ARMH4: variants seen among roughly 807,000 people sequenced by gnomAD.
ARMH4 encodes armadillo like helical domain containing 4.
In ARMH4, 49 loss-of-function variants were observed where a neutral mutation model predicts 61.9. That is an observed-to-expected ratio of 0.79 (90% CI 0.63 to 1.00). The LOEUF (loss-of-function observed/expected upper bound fraction) is 1.00, where lower values mean the gene tolerates loss of function less well. Ranked by LOEUF, ARMH4 falls within the 50% of genes least tolerant of loss-of-function variation. The pLI, the probability that ARMH4 is intolerant of heterozygous loss-of-function variation, is 0.00. For synonymous variants in ARMH4, 368 were observed against 341.5 expected (o/e 1.08, Z -0.85); for missense variants, 934 against 930.0 (o/e 1.00, Z -0.06).
chr14:58,121,094 T>C (rs1444477569), intron 4 of ARMH4, among the ~76,000 whole-genome samples: 2 of 152,186 alleles, frequency 1.3e-5, no homozygotes, highest in Non-Finnish European at 1.5e-5. Flanking sequence ...CACTTATATG[T>C]TGCATTTCTG....
intron 6 of ARMH4, among the ~76,000 whole-genome samples, chr14:58,008,649 A>G (rs1297705254): frequency 4.6e-5 from 7 of 152,232 alleles, no homozygotes; most frequent in African/African-American, 1.7e-4. Context: ...CTCAAACTCC[A>G]GCATGGATCA....
intron 5 of ARMH4, among the ~76,000 whole-genome samples, chr14:58,054,882 A>AT (rs774686375): frequency 0.058 from 8,302 of 143,924 alleles, 238 homozygotes; most frequent in African/African-American, 0.077. Context: ...AAAAAAAAAA[A>AT]AAATAATAAT....
intron 5 of ARMH4, among the ~76,000 whole-genome samples, chr14:58,078,083 C>T (rs752493228): frequency 2.6e-4 from 39 of 152,118 alleles, no homozygotes; most frequent in Non-Finnish European, 4.4e-4. Flanking sequence ...ACAGACATTA[C>T]CTCTCATGTT....
At chr14:58,008,905 TG>T (rs1265245823) in intron 6 of ARMH4, among the ~76,000 whole-genome samples, 2 of 152,236 alleles carry the variant, frequency 1.3e-5, no homozygotes, top group Non-Finnish European at 2.9e-5. Flanking sequence ...ACAACAGGTC[TG>T]GTCTTTATTA....
At chr14:58,010,816 A>C (rs8016701) in intron 6 of ARMH4, among the ~76,000 whole-genome samples, 95,965 of 151,192 alleles carry the variant, frequency 0.63, 30,601 homozygotes, top group East Asian at 0.67. Flanking sequence ...TGTTTACATG[A>C]CAAAATTTAT....
intron 1 of ARMH4, among the ~76,000 whole-genome samples, chr14:58,141,011 A>G (rs946251012): frequency 6.6e-6 from 1 of 152,140 alleles, no homozygotes; most frequent in African/African-American, 2.4e-5. Flanking sequence ...CCCAGACACC[A>G]AATCTACTGT....
chr14:58,126,648 A>T (rs967782172), intron 4 of ARMH4, among the ~76,000 whole-genome samples: 1 of 152,214 alleles, frequency 6.6e-6, no homozygotes, highest in East Asian at 1.9e-4. Flanking sequence ...TCAAAAACGC[A>T]ATCATTTAAA....
intron 5 of ARMH4, among the ~76,000 whole-genome samples, chr14:58,030,456 A>G (rs1181626342): frequency 2.0e-5 from 3 of 152,232 alleles, no homozygotes; most frequent in Non-Finnish European, 1.5e-5. Context: ...CAATTTTTTT[A>G]TCGTGGTAAT....
At chr14:58,073,842 A>G (rs2141231767) in intron 5 of ARMH4, among the ~76,000 whole-genome samples, 1 of 152,316 alleles carries the variant, frequency 6.6e-6, no homozygotes, top group Middle Eastern at 3.4e-3. Context: ...CAGTGTCCTC[A>G]ACAGTAAATG....
chr14:58,079,059 C>G (rs1267250041), intron 5 of ARMH4, among the ~76,000 whole-genome samples: 1 of 152,294 alleles, frequency 6.6e-6, no homozygotes, highest in East Asian at 1.9e-4. Context: ...TGAGACCATG[C>G]AATTTGGAAA....
At chr14:58,134,632 G>A (rs117540099) in intron 2 of ARMH4, among the ~76,000 whole-genome samples, 3,205 of 152,134 alleles carry the variant, frequency 0.021, 58 homozygotes, top group Middle Eastern at 0.048. Flanking sequence ...TAACATTCTA[G>A]GGATAGCTTT....
At chr14:58,043,325 A>T (rs931370337) in intron 5 of ARMH4, among the ~76,000 whole-genome samples, 1 of 152,090 alleles carries the variant, frequency 6.6e-6, no homozygotes, top group African/African-American at 2.4e-5. Flanking sequence ...AATGTAATCC[A>T]GCATATAAAC....
At chr14:58,113,465 C>T (rs1428753273) in intron 4 of ARMH4, among the ~76,000 whole-genome samples, 1 of 152,120 alleles carries the variant, frequency 6.6e-6, no homozygotes, top group Non-Finnish European at 1.5e-5. Context: ...CTTGTGTTTG[C>T]ATTTTTGATG....
At chr14:58,097,635 T>C (rs1812415027) in intron 4 of ARMH4, among the ~76,000 whole-genome samples, 2 of 152,300 alleles carry the variant, frequency 1.3e-5, no homozygotes, top group African/African-American at 4.8e-5. Flanking sequence ...AAAATTACCA[T>C]TATCTTCATT....
chr14:58,111,043 C>T (rs1312188074), intron 4 of ARMH4, among the ~76,000 whole-genome samples: 1 of 152,172 alleles, frequency 6.6e-6, no homozygotes, highest in Non-Finnish European at 1.5e-5. Flanking sequence ...CGTGAGCCAC[C>T]ACGCCCAGCC....
chr14:58,120,445 G>C (rs1302937697), intron 4 of ARMH4, among the ~76,000 whole-genome samples: 4 of 152,078 alleles, frequency 2.6e-5, no homozygotes, highest in Admixed American at 1.3e-4. Flanking sequence ...GACTCTTAGA[G>C]TCCTTTTTCT....
At chr14:58,140,579 A>ATAAG (rs1251112880) in intron 1 of ARMH4, among the ~76,000 whole-genome samples, 1 of 125,692 alleles carries the variant, frequency 8.0e-6, no homozygotes. Flanking sequence ...CGTCTCAAAA[A>ATAAG]TAAATAAATA....
At chr14:58,069,027 G>A (rs1488344907) in intron 5 of ARMH4, among the ~76,000 whole-genome samples, 10 of 148,656 alleles carry the variant, frequency 6.7e-5, no homozygotes, top group African/African-American at 2.0e-4. Flanking sequence ...AAAAAAGAGA[G>A]ACAGAGATAA....
In ARMH4 at chr14:58,133,076, C is replaced by T. The variant is rs1887174878; in HGVS notation, c.1621+14G>A. Reference sequence around the variant, plus strand: ...CCACCCCCAAAACAGAGTCCAATATCCTCCCTTACAGACCTTCCACAGTGG... The same window carrying T: ...CCACCCCCAAAACAGAGTCCAATATTCTCCCTTACAGACCTTCCACAGTGG... On this transcript the variant is annotated intron_variant, in intron 3 of 7. Transcript: ENST00000267485. The T allele has an allele frequency of 1.2e-6, 2 of 1,613,648 alleles. No individual in the cohort carries two copies. The highest frequency in any genetic ancestry group is 2.2e-5 in the East Asian group (1 of 44,860).
Sources: allele counts gnomAD v4.1 joint callset (sites outside exome capture counted in the v4.1 genomes callset), GRCh38; gene constraint gnomAD v4.1.1; transcripts MANE v1.5; gene names NCBI Gene and HGNC (gene_info 2026-07-23, HGNC 2026-07-21).